CNTNAP2: variants seen among roughly 807,000 people sequenced by gnomAD.
CNTNAP2 encodes contactin-associated protein-like 2.
CNTNAP2 carries 98 observed loss-of-function variants against 155.2 expected under a neutral mutation model. The observed-to-expected ratio is 0.63, with a 90% confidence interval of 0.54 to 0.75. CNTNAP2 has a LOEUF of 0.75. Among genes scored for constraint, CNTNAP2 ranks in the 30% least tolerant of loss-of-function variants. CNTNAP2 has a pLI of 0.00. For synonymous variants in CNTNAP2, 651 were observed against 631.2 expected (o/e 1.03, Z -0.47); for missense variants, 1,727 against 1,688.1 (o/e 1.02, Z -0.40).
chr7:146,154,315 G>T (rs1798093733), intron 1 of CNTNAP2, among the ~76,000 whole-genome samples: 1 of 152,086 alleles, frequency 6.6e-6, no homozygotes, highest in Non-Finnish European at 1.5e-5. Flanking sequence ...ATTTTTGGTT[G>T]TTTTTCAGTT....
chr7:147,954,240 A>T (rs1040085091), intron 14 of CNTNAP2, among the ~76,000 whole-genome samples: 6 of 152,144 alleles, frequency 3.9e-5, no homozygotes, highest in African/African-American at 1.4e-4. Flanking sequence ...GGTGCCTCTC[A>T]CAGAGACCTC....
chr7:146,889,505 A>T (rs558998888), intron 3 of CNTNAP2, among the ~76,000 whole-genome samples: 2 of 152,280 alleles, frequency 1.3e-5, no homozygotes, highest in South Asian at 4.1e-4. Flanking sequence ...CTGTATTGTG[A>T]TATGACTTAA....
chr7:147,491,656 A>G (rs1198994433), intron 11 of CNTNAP2, among the ~76,000 whole-genome samples: 3 of 152,240 alleles, frequency 2.0e-5, no homozygotes, highest in African/African-American at 7.2e-5. Flanking sequence ...GCCTCCAAGC[A>G]TTCTTGAATG....
chr7:147,043,936 T>C lies in CNTNAP2; in HGVS notation c.432T>C (p.Gly144=), dbSNP rs757354647. ...TTCCCGGAAACATTAACTCTGACGGTGTGGTCCGGCACGAATTACAGCATC... is the reference window on the plus strand; with the variant it reads ...TTCCCGGAAACATTAACTCTGACGGCGTGGTCCGGCACGAATTACAGCATC... ...WAFPGNINSD[G]VVRHELQHPI... Residue 144 remains glycine (G), a synonymous_variant, in exon 4 of 24, where the codon GGT becomes GGC. Coordinates refer to ENST00000361727, the MANE Select transcript of CNTNAP2 (RefSeq NM_014141.6). 4 of 1,614,156 alleles carry C rather than the reference T, an allele frequency of 2.5e-6. No homozygotes were observed. The Admixed American group carries it at 5.0e-5, about 20-fold the overall frequency.
chr7:147,058,974 A>T (rs1235597571), intron 4 of CNTNAP2, among the ~76,000 whole-genome samples: 3 of 152,144 alleles, frequency 2.0e-5, no homozygotes, highest in African/African-American at 7.2e-5. Flanking sequence ...TTGCACTTTT[A>T]ATAACACCTT....
chr7:146,348,580 T>C (rs534104310), intron 1 of CNTNAP2, among the ~76,000 whole-genome samples: 5 of 152,256 alleles, frequency 3.3e-5, no homozygotes, highest in African/African-American at 9.6e-5. Flanking sequence ...TTGAAAACTT[T>C]TCTCTAGCAT....
intron 1 of CNTNAP2, among the ~76,000 whole-genome samples, chr7:146,488,451 G>T (rs941867930): frequency 6.6e-6 from 1 of 151,706 alleles, no homozygotes; most frequent in Non-Finnish European, 1.5e-5. Flanking sequence ...TCAGGACTCT[G>T]TAGGTATACC....
intron 17 of CNTNAP2, among the ~76,000 whole-genome samples, chr7:148,161,508 AC>A (rs1805539363): frequency 6.6e-6 from 1 of 151,376 alleles, no homozygotes; most frequent in African/African-American, 2.4e-5. Flanking sequence ...ATCCCTCTCA[AC>A]CCTTTCTTGT....
intron 9 of CNTNAP2, among the ~76,000 whole-genome samples, chr7:147,326,596 G>GGGACT (rs1347555448): frequency 1.3e-5 from 2 of 152,162 alleles, no homozygotes; most frequent in African/African-American, 2.4e-5. Flanking sequence ...AAATTTTAGA[G>GGGACT]GGACTGCTTC....
intron 10 of CNTNAP2, among the ~76,000 whole-genome samples, chr7:147,480,455 G>A (rs1206197146): frequency 2.0e-5 from 3 of 152,172 alleles, no homozygotes; most frequent in South Asian, 2.1e-4. Flanking sequence ...AGCTGACCCT[G>A]AGATTGAGAA....
At chr7:146,988,999 C>T (rs886277293) in intron 3 of CNTNAP2, among the ~76,000 whole-genome samples, 6 of 152,166 alleles carry the variant, frequency 3.9e-5, no homozygotes, top group African/African-American at 1.4e-4. Context: ...CATTTTTCCT[C>T]TCCATATTTC....
chr7:148,172,653 T>C (rs776976967), intron 18 of CNTNAP2, among the ~76,000 whole-genome samples, 175 bp downstream of exon 18: 15 of 152,220 alleles, frequency 9.9e-5, no homozygotes, highest in Non-Finnish European at 1.9e-4. Context: ...CTAATCATTT[T>C]TGTTTGATAA....
At position 147,258,263 on chromosome 7, in the gene CNTNAP2, A is replaced by C. The variant is rs183804657; in HGVS notation, c.1349-41878A>C. 6.3e-4 allele frequency among the ~76,000 whole-genome samples: 96 copies of C among 152,318 alleles called. 1 individual carries two copies. The highest frequency in any genetic ancestry group is 4.1e-4 in the South Asian group (2 of 4,824). On this transcript the variant is annotated intron_variant, in intron 8 of 23. Transcript: ENST00000361727. ...ATAGTGGTACATATTCATAGAGTACATGGTGATATTTCAACACATATAATG... is the reference window on the plus strand; with the variant it reads ...ATAGTGGTACATATTCATAGAGTACCTGGTGATATTTCAACACATATAATG...
intron 3 of CNTNAP2, among the ~76,000 whole-genome samples, chr7:146,876,082 CTTTG>C (rs1406889084): frequency 1.3e-5 from 2 of 151,194 alleles, no homozygotes; most frequent in African/African-American, 4.9e-5. Flanking sequence ...GCCTGTTTAA[CTTTG>C]TTTGGCAGAT....
chr7:146,770,041 T>A (rs1227689354), intron 1 of CNTNAP2, among the ~76,000 whole-genome samples: 1 of 152,160 alleles, frequency 6.6e-6, no homozygotes, highest in Non-Finnish European at 1.5e-5. Flanking sequence ...GTCACACGTT[T>A]ATGATGGAGC....
chr7:148,295,998 C>T (rs1797277868), intron 21 of CNTNAP2, among the ~76,000 whole-genome samples: 1 of 152,154 alleles, frequency 6.6e-6, no homozygotes, highest in African/African-American at 2.4e-5. Flanking sequence ...ACTCTTACAG[C>T]TGGTATAAAC....
intron 15 of CNTNAP2, among the ~76,000 whole-genome samples, chr7:148,077,116 T>A (rs1803502624): frequency 6.6e-6 from 1 of 152,056 alleles, no homozygotes; most frequent in Non-Finnish European, 1.5e-5. Context: ...GATACTAGCC[T>A]GACCAACATG....
At chr7:147,699,333 A>T (rs1394529879) in intron 13 of CNTNAP2, among the ~76,000 whole-genome samples, 1 of 151,946 alleles carries the variant, frequency 6.6e-6, no homozygotes, top group East Asian at 1.9e-4. Flanking sequence ...CATCATTCTC[A>T]GCAAACTAAC....
intron 15 of CNTNAP2, among the ~76,000 whole-genome samples, chr7:148,077,223 C>T (rs1464407560): frequency 6.6e-6 from 1 of 151,750 alleles, no homozygotes; most frequent in Non-Finnish European, 1.5e-5. Context: ...AGGAGAATCG[C>T]TTGAACCTGG....
Sources: gnomAD v4.1 joint callset for allele counts (sites outside exome capture counted in the v4.1 genomes callset) on GRCh38, gnomAD v4.1.1 for gene constraint, MANE v1.5 for transcripts, NCBI Gene and HGNC (gene_info 2026-07-23, HGNC 2026-07-21) for gene names.